The following MAP7 variants were observed in gnomAD, a reference collection of about 807,000 sequenced individuals.
The protein encoded by MAP7 is ensconsin.
Under a neutral mutation model 94.8 loss-of-function variants are expected in MAP7, and 52 were observed. That is an observed-to-expected ratio of 0.55 (90% CI 0.44 to 0.69). MAP7 has a LOEUF of 0.69. Ranked by LOEUF, MAP7 falls within the 30% of genes least tolerant of loss-of-function variation. The pLI, the probability that MAP7 is intolerant of heterozygous loss-of-function variation, is 0.00. For synonymous variants in MAP7, 350 were observed against 357.0 expected (o/e 0.98, Z 0.22); for missense variants, 940 against 964.6 (o/e 0.97, Z 0.34).
chr6:136,435,404 G>A (rs527928558), intron 1 of MAP7, among the ~76,000 whole-genome samples: 6 of 152,198 alleles, frequency 3.9e-5, no homozygotes, highest in South Asian at 2.1e-4. Context: ...AATCATTATC[G>A]GAAAGGAAGA....
intron 1 of MAP7, among the ~76,000 whole-genome samples, chr6:136,539,530 T>C (rs1209898360): frequency 6.6e-6 from 1 of 152,198 alleles, no homozygotes; most frequent in Non-Finnish European, 1.5e-5. Context: ...GACCTCTTCA[T>C]TTTTGCCTTG....
At chr6:136,363,232 G>A (rs1793337662) in intron 10 of MAP7, among the ~76,000 whole-genome samples, 1 of 152,156 alleles carries the variant, frequency 6.6e-6, no homozygotes, top group African/African-American at 2.4e-5. Flanking sequence ...GGGCCTCTTT[G>A]GGAGCTGGTG....
At chr6:136,452,801 C>G (rs542900625) in intron 1 of MAP7, among the ~76,000 whole-genome samples, 1 of 152,312 alleles carries the variant, frequency 6.6e-6, no homozygotes, top group East Asian at 1.9e-4. Context: ...GATCTGCCCT[C>G]CTCGTCTTTC....
At chr6:136,432,509 G>T (rs1397135224) in intron 1 of MAP7, among the ~76,000 whole-genome samples, 1 of 152,016 alleles carries the variant, frequency 6.6e-6, no homozygotes, top group African/African-American at 2.4e-5. Flanking sequence ...GAATTCAAAC[G>T]CCTTAGCAGC....
rs553016549 is a variant in MAP7, at chr6:136,494,130, C to T, written c.67+56212G>A. Among the ~76,000 whole-genome samples, 17 of 152,208 alleles carry T rather than the reference C, an allele frequency of 1.1e-4. No individual in the cohort carries two copies. In the South Asian group the frequency reaches 2.3e-3, roughly 20 times the overall value. On this transcript the variant is annotated intron_variant, in intron 1 of 17. Transcript: ENST00000354570. ...TAACAGGCAATCAGTATCATTGCAA[C>T]GAATTAGTAGAACCAAGCGTGCTGA... is the stretch of plus-strand genomic sequence containing the variant.
At chr6:136,491,303 T>A (rs1816523678) in intron 1 of MAP7, among the ~76,000 whole-genome samples, 1 of 152,232 alleles carries the variant, frequency 6.6e-6, no homozygotes. Context: ...TTTCATATAA[T>A]TCAATCTAAT....
At chr6:136,359,704 G>A in intron 15 of MAP7, 116 bp downstream of exon 15, 3 of 934,820 alleles carry the variant, frequency 3.2e-6, no homozygotes, top group Non-Finnish European at 5.0e-6. Flanking sequence ...AAGCTTCTGT[G>A]AGTCTGTAAG....
intron 1 of MAP7, among the ~76,000 whole-genome samples, chr6:136,519,791 A>G (rs548188242): frequency 6.6e-6 from 1 of 152,362 alleles, no homozygotes; most frequent in South Asian, 2.1e-4. Context: ...TTAGCTAACA[A>G]AAGGGACAGA....
chr6:136,436,182 A>G (rs1374564425), intron 1 of MAP7, among the ~76,000 whole-genome samples: 2 of 152,204 alleles, frequency 1.3e-5, no homozygotes, highest in Non-Finnish European at 2.9e-5. Context: ...TGTGTGGTTA[A>G]CTATTTAGAT....
intron 3 of MAP7, among the ~76,000 whole-genome samples, chr6:136,398,715 A>G (rs1783221213): frequency 6.6e-6 from 1 of 152,226 alleles, no homozygotes; most frequent in Admixed American, 6.5e-5. Flanking sequence ...AGGTCTCCTC[A>G]GCCACGTGGA....
At chr6:136,539,865 G>C (rs186852471) in intron 1 of MAP7, among the ~76,000 whole-genome samples, 3 of 152,204 alleles carry the variant, frequency 2.0e-5, no homozygotes, top group Admixed American at 6.5e-5. Context: ...CGTAGTCTCA[G>C]GTACTCGGTA....
At chr6:136,480,105 C>CAT (rs755147630) in intron 1 of MAP7, among the ~76,000 whole-genome samples, 17 of 152,120 alleles carry the variant, frequency 1.1e-4, no homozygotes, top group Non-Finnish European at 2.5e-4. Context: ...ACTGCAGAGT[C>CAT]ATAGTAACCA....
intron 1 of MAP7, among the ~76,000 whole-genome samples, chr6:136,464,743 G>A (rs769339293): frequency 2.6e-4 from 40 of 152,138 alleles, no homozygotes; most frequent in Admixed American, 3.3e-4. Flanking sequence ...CTACTTTGCC[G>A]TGCTATTGAA....
At chr6:136,547,063 T>C (rs1362901499) in intron 1 of MAP7, among the ~76,000 whole-genome samples, 1 of 152,218 alleles carries the variant, frequency 6.6e-6, no homozygotes, top group East Asian at 1.9e-4. Flanking sequence ...ACAAGCTTAA[T>C]ACCAAATTGA....
chr6:136,431,699 G>A (rs530032943), intron 1 of MAP7, among the ~76,000 whole-genome samples: 1 of 152,132 alleles, frequency 6.6e-6, no homozygotes, highest in East Asian at 1.9e-4. Context: ...TGAATTTTTA[G>A]TAGAGACGGG....
chr6:136,357,813 G>A (rs1199981446), intron 15 of MAP7, among the ~76,000 whole-genome samples: 1 of 152,186 alleles, frequency 6.6e-6, no homozygotes, highest in East Asian at 1.9e-4. Flanking sequence ...TCAAGACAAT[G>A]TTATTTTACA....
chr6:136,376,365 C>CTGGG (rs553700975), intron 7 of MAP7, among the ~76,000 whole-genome samples: 93 of 152,326 alleles, frequency 6.1e-4, no homozygotes, highest in African/African-American at 2.1e-3. Flanking sequence ...TCCCAAAGTG[C>CTGGG]TGGGATTACA....
intron 12 of MAP7, 97 bp from the exon 13 acceptor site, chr6:136,360,895 G>A: frequency 2.6e-6 from 4 of 1,549,526 alleles, no homozygotes; most frequent in African/African-American, 1.4e-5. Context: ...GGCGGATGGA[G>A]AAGGTGTGGA....
chr6:136,549,300 T>A (rs1004758716), intron 1 of MAP7, among the ~76,000 whole-genome samples: 1 of 152,168 alleles, frequency 6.6e-6, no homozygotes, highest in Non-Finnish European at 1.5e-5. Flanking sequence ...AAGAATTGAA[T>A]TTCTTTTTAA....
Sources: allele counts gnomAD v4.1 joint callset (sites outside exome capture counted in the v4.1 genomes callset), GRCh38; gene constraint gnomAD v4.1.1; transcripts MANE v1.5; gene names NCBI Gene and HGNC (gene_info 2026-07-23, HGNC 2026-07-21).